The following LRRTM4 variants were observed in gnomAD, a reference collection of about 807,000 sequenced individuals.
The protein encoded by LRRTM4 is leucine rich repeat transmembrane neuronal 4, also known as leucine-rich repeat transmembrane neuronal protein 4.
In LRRTM4, 25 loss-of-function variants were observed where a neutral mutation model predicts 47.6. The observed-to-expected ratio is 0.53, with a 90% CI of 0.38 to 0.73. The LOEUF is 0.73. LRRTM4 is among the 30% of genes least tolerant of loss of function. The probability of loss-of-function intolerance (pLI) is 0.00; values close to 1 mark genes in which losing one functional copy is unlikely to be tolerated. For missense variants in LRRTM4, 638 were observed against 713.4 expected (o/e 0.89, Z 1.20); for synonymous variants, 311 against 269.5 (o/e 1.15, Z -1.51).
intron 3 of LRRTM4, among the ~76,000 whole-genome samples, chr2:77,067,727 C>T (rs1573524255): frequency 8.6e-6 from 1 of 115,842 alleles, no homozygotes; most frequent in Middle Eastern, 4.8e-3. Context: ...ATACATATTT[C>T]AGGAAAAATG....
rs149574010 is a variant in LRRTM4 at position 76,911,047 on chromosome 2, T to C, written c.1552-162131A>G. Among the ~76,000 whole-genome samples, 41 of 152,338 alleles carry C rather than the reference T, an allele frequency of 2.7e-4. 1 individual carries two copies. The East Asian group carries it at 7.5e-3, about 28-fold the overall frequency. ...TTTGCTGAATACAAGGAATTCCATT[T>C]TGATTCATAATAGTTACACATTTTT... On this transcript the variant is annotated intron_variant, in intron 3 of 3. Coordinates refer to ENST00000409884, the MANE Select transcript of LRRTM4 (RefSeq NM_001134745.3).
At chr2:77,019,279 T>G (rs7569624) in intron 3 of LRRTM4, among the ~76,000 whole-genome samples, 53,823 of 136,550 alleles carry the variant, frequency 0.39, 10,424 homozygotes, top group East Asian at 0.53. Context: ...AAAAAAAATA[T>G]AAGAAGAAGA....
chr2:77,351,782 A>C (rs1367535968), intron 3 of LRRTM4, among the ~76,000 whole-genome samples: 1 of 151,984 alleles, frequency 6.6e-6, no homozygotes, highest in Non-Finnish European at 1.5e-5. Context: ...GGGGCCAAGT[A>C]AAATGAGGAA....
intron 3 of LRRTM4, among the ~76,000 whole-genome samples, chr2:77,242,224 T>A (rs1386733255): frequency 6.6e-6 from 1 of 152,144 alleles, no homozygotes; most frequent in African/African-American, 2.4e-5. Flanking sequence ...GTAGATTTCT[T>A]TGGTTAATGT....
At chr2:77,271,798 A>T (rs943225297) in intron 3 of LRRTM4, among the ~76,000 whole-genome samples, 8 of 152,030 alleles carry the variant, frequency 5.3e-5, no homozygotes, top group African/African-American at 1.5e-4. Flanking sequence ...AGAAGATTAA[A>T]TTTTTTCTCT....
chr2:77,165,493 G>A (rs1002178806), intron 3 of LRRTM4, among the ~76,000 whole-genome samples: 5 of 152,038 alleles, frequency 3.3e-5, no homozygotes, highest in Admixed American at 6.6e-5. Context: ...CAAAAGCCTG[G>A]CAGAGACACA....
intron 3 of LRRTM4, among the ~76,000 whole-genome samples, chr2:77,399,245 T>C (rs1457640034): frequency 6.6e-6 from 1 of 151,722 alleles, no homozygotes; most frequent in East Asian, 1.9e-4. Context: ...ATATTTATTA[T>C]GCTTATGTTG....
chr2:77,345,964 C>A (rs748345390), intron 3 of LRRTM4, among the ~76,000 whole-genome samples: 2 of 151,082 alleles, frequency 1.3e-5, no homozygotes, highest in African/African-American at 2.4e-5. Context: ...GTCCAAATAC[C>A]CTTTCTGACT....
At chr2:77,356,035 A>T (rs946408009) in intron 3 of LRRTM4, among the ~76,000 whole-genome samples, 8 of 152,196 alleles carry the variant, frequency 5.3e-5, no homozygotes, top group Admixed American at 2.6e-4. Context: ...TAGAGGCTGC[A>T]GTGAGCCATT....
At chr2:76,782,191 T>A (rs751507400) in intron 3 of LRRTM4, among the ~76,000 whole-genome samples, 2 of 152,222 alleles carry the variant, frequency 1.3e-5, no homozygotes, top group Admixed American at 6.5e-5. Context: ...CATGTAAGAT[T>A]TACGGGCCTG....
At chr2:77,148,925 A>C (rs1672343963) in intron 3 of LRRTM4, among the ~76,000 whole-genome samples, 1 of 152,196 alleles carries the variant, frequency 6.6e-6, no homozygotes. Flanking sequence ...TGCCCCTTTA[A>C]AGATATTTCG....
intron 3 of LRRTM4, among the ~76,000 whole-genome samples, chr2:77,404,395 T>G (rs1674083897): frequency 6.6e-6 from 1 of 152,078 alleles, no homozygotes; most frequent in South Asian, 2.1e-4. Context: ...CAATTTGATG[T>G]CTCAGCATTT....
chr2:76,751,769 T>G (rs1426778633), intron 3 of LRRTM4, among the ~76,000 whole-genome samples: 2 of 152,152 alleles, frequency 1.3e-5, no homozygotes, highest in African/African-American at 4.8e-5. Flanking sequence ...GGGTCACTTA[T>G]ACTCCAAGAA....
intron 3 of LRRTM4, among the ~76,000 whole-genome samples, chr2:76,995,147 G>A (rs549524432): frequency 6.6e-6 from 1 of 152,084 alleles, no homozygotes; most frequent in East Asian, 1.9e-4. Context: ...GCATATAAGA[G>A]ACAGAAAGAA....
chr2:76,944,658 C>A (rs867035872), intron 3 of LRRTM4, among the ~76,000 whole-genome samples: 1 of 151,990 alleles, frequency 6.6e-6, no homozygotes, highest in African/African-American at 2.4e-5. Context: ...ATTTAAAACT[C>A]GTCTGCTCTC....
rs1021152878 is a variant in LRRTM4, at chr2:77,415,126, ATTACT to A, written c.1551+103187_1551+103191del. Among the ~76,000 whole-genome samples the A allele has an allele frequency of 7.6e-4, 116 of 152,314 alleles. 1 individual carries two copies. The highest frequency in any genetic ancestry group is 2.6e-3 in the African/African-American group (108 of 41,568). ...CACTACAGATCATATTCACTGAAAAATTACTTAAGAAGACATAAGTTTGCTCACTT... is the reference window on the plus strand; with the variant it reads ...CACTACAGATCATATTCACTGAAAAATAAGAAGACATAAGTTTGCTCACTT... On this transcript the variant is annotated intron_variant, in intron 3 of 3. Coordinates refer to ENST00000409884, the MANE Select transcript of LRRTM4 (RefSeq NM_001134745.3).
chr2:77,040,033 AT>A (rs1244419028), intron 3 of LRRTM4, among the ~76,000 whole-genome samples: 2 of 151,234 alleles, frequency 1.3e-5, no homozygotes, highest in East Asian at 3.9e-4. Context: ...AAATCAAATT[AT>A]CTTGATGTAT....
intron 3 of LRRTM4, among the ~76,000 whole-genome samples, chr2:77,274,625 C>T (rs1676292940): frequency 6.6e-6 from 1 of 151,924 alleles, no homozygotes; most frequent in Non-Finnish European, 1.5e-5. Flanking sequence ...ACTAAAAAAT[C>T]CCAACAACTA....
intron 3 of LRRTM4, among the ~76,000 whole-genome samples, chr2:77,120,522 C>A (rs540490016): frequency 2.0e-5 from 3 of 151,800 alleles, no homozygotes; most frequent in South Asian, 2.1e-4. Flanking sequence ...TTATAATAGT[C>A]ATTTTAAAGA....
Sources: gnomAD v4.1 joint callset for allele counts (sites outside exome capture counted in the v4.1 genomes callset) on GRCh38, gnomAD v4.1.1 for gene constraint, MANE v1.5 for transcripts, NCBI Gene and HGNC (gene_info 2026-07-23, HGNC 2026-07-21) for gene names.